The following LEPR variants were observed in gnomAD, a reference collection of about 807,000 sequenced individuals.
LEPR encodes OB receptor.
LEPR carries 56 observed loss-of-function variants against 114.7 expected under a neutral mutation model. The ratio of observed to expected loss-of-function variants is 0.49; its 90% CI spans 0.39 to 0.61. The LOEUF is 0.61. Ranked by LOEUF, LEPR falls within the 20% of genes least tolerant of loss-of-function variation. The pLI is 0.00. For missense variants in LEPR, 1,202 were observed against 1,352.9 expected, an observed-to-expected ratio of 0.89 and a Z score of 1.75; for synonymous variants, 443 against 461.4, an observed-to-expected ratio of 0.96 and a Z score of 0.51.
At chr1:65,454,539 T>A (rs1179875820) in intron 2 of LEPR, among the ~76,000 whole-genome samples, 1 of 152,178 alleles carries the variant, frequency 6.6e-6, no homozygotes. Flanking sequence ...CCTTCACTTA[T>A]GAAACTTAGT....
intron 10 of LEPR, among the ~76,000 whole-genome samples, chr1:65,603,350 T>C (rs1656579528): frequency 8.1e-6 from 1 of 123,936 alleles, no homozygotes; most frequent in Non-Finnish European, 1.7e-5. Context: ...CCACCATTTA[T>C]TCACACACAC....
At chr1:65,422,189 G>C (rs568682235) in intron 1 of LEPR, among the ~76,000 whole-genome samples, 7 of 152,308 alleles carry the variant, frequency 4.6e-5, no homozygotes, top group African/African-American at 1.7e-4. Context: ...AATGATAACT[G>C]GTTTAAGGTG....
At chr1:65,427,140 C>T (rs1265751904) in intron 2 of LEPR, among the ~76,000 whole-genome samples, 3 of 152,136 alleles carry the variant, frequency 2.0e-5, no homozygotes, top group East Asian at 1.9e-4. Context: ...CAGATATAAG[C>T]GGTCACTTAT....
At chr1:65,629,184 C>A (rs1658387041) in intron 19 of LEPR, 1 of 211,352 alleles carries the variant, frequency 4.7e-6, no homozygotes, top group South Asian at 6.6e-5. Context: ...CTTAAACTTC[C>A]ATTTCTTGTT....
intron 2 of LEPR, among the ~76,000 whole-genome samples, chr1:65,483,346 C>T (rs192313071): frequency 1.3e-5 from 2 of 152,224 alleles, no homozygotes; most frequent in Admixed American, 6.5e-5. Flanking sequence ...GACAATGTAT[C>T]ACCATTTCCT....
chr1:65,420,673 G>A lies in LEPR; in HGVS notation c.-164G>A. On this transcript the variant is annotated 5_prime_UTR_variant, in exon 1 of 20. Coordinates refer to ENST00000349533, the MANE Select transcript of LEPR (RefSeq NM_002303.6). ...ACTCCCGGTCTGGCTTGGGCAGGCT[G>A]CCCGGGCCGTGGCAGGAAGCCGGAA... 1 of 1,560,168 alleles carries A rather than the reference G, an allele frequency of 6.4e-7. No individual in the cohort carries two copies. The highest frequency in any genetic ancestry group is 2.0e-5 in the Admixed American group (1 of 51,208).
At chr1:65,572,290 G>GTTTTT (rs747467075) in intron 4 of LEPR, 36 bp from the exon 5 acceptor site, 604 of 799,542 alleles carry the variant, frequency 7.6e-4, no homozygotes, top group South Asian at 1.0e-3. Context: ...TCATGTAGTT[G>GTTTTT]TTTTTTTTTT....
At chr1:65,506,712 T>G (rs1195607803) in intron 2 of LEPR, among the ~76,000 whole-genome samples, 1 of 152,220 alleles carries the variant, frequency 6.6e-6, no homozygotes, top group African/African-American at 2.4e-5. Context: ...TATGATATTC[T>G]GATACATGTA....
intron 7 of LEPR, among the ~76,000 whole-genome samples, chr1:65,597,236 A>G (rs1656125168): frequency 6.6e-6 from 1 of 151,932 alleles, no homozygotes. Flanking sequence ...CTGTGTTTGG[A>G]CTTAGCCCAC....
intron 2 of LEPR, chr1:65,435,661 C>T: frequency 2.0e-6 from 2 of 985,220 alleles, no homozygotes; most frequent in Non-Finnish European, 2.4e-6. Flanking sequence ...GCCACTGTGC[C>T]CAGCCAAAAT....
chr1:65,488,159 C>CCTTCCTTCCTTT (rs1249504387), intron 2 of LEPR, among the ~76,000 whole-genome samples: 28 of 65,472 alleles, frequency 4.3e-4, no homozygotes, highest in African/African-American at 1.6e-3. Flanking sequence ...TTCCTTCCTT[C>CCTTCCTTCCTTT]CTTTCTTTCT....
At chr1:65,606,910 G>A (rs1279441983) in intron 11 of LEPR, among the ~76,000 whole-genome samples, 2 of 152,072 alleles carry the variant, frequency 1.3e-5, no homozygotes, top group African/African-American at 2.4e-5. Flanking sequence ...TATTATTGTT[G>A]ATTGCTTAAA....
At chr1:65,487,554 T>G (rs767455587) in intron 2 of LEPR, among the ~76,000 whole-genome samples, 4 of 151,968 alleles carry the variant, frequency 2.6e-5, no homozygotes, top group Non-Finnish European at 5.9e-5. Flanking sequence ...CAAAGTAAGG[T>G]TGTACCAGAG....
chr1:65,602,802 C>G (rs1310159856), intron 10 of LEPR, among the ~76,000 whole-genome samples: 2 of 152,184 alleles, frequency 1.3e-5, no homozygotes, highest in South Asian at 4.1e-4. Flanking sequence ...CTGCCAGTCT[C>G]TTCTTATGTA....
At chr1:65,426,673 C>A (rs956814058) in intron 2 of LEPR, among the ~76,000 whole-genome samples, 3 of 152,036 alleles carry the variant, frequency 2.0e-5, no homozygotes, top group African/African-American at 7.2e-5. Context: ...TAGATGTCTC[C>A]CAGGTGATTG....
Position 65,622,965 on chromosome 1 carries a change from G to A in LEPR, c.2657G>A (p.Gly886Glu). The A allele has an allele frequency of 6.2e-7, 1 of 1,613,918 alleles. No individual in the cohort carries two copies. The highest frequency in any genetic ancestry group is 1.7e-4 in the Middle Eastern group (1 of 6,044). Reference sequence around the variant, plus strand: ...CCCAAGAATTGTTCCTGGGCACAAGGACTTAATTTTCAGAAGGTTGCTTTT... The same window carrying A: ...CCCAAGAATTGTTCCTGGGCACAAGAACTTAATTTTCAGAAGGTTGCTTTT... ...PNPKNCSWAQ[G>E]LNFQKPETFE... Residue 886 changes from glycine to glutamate, a missense_variant, in exon 19 of 20, where the codon GGA becomes GAA. Transcript: ENST00000349533.
Position 65,484,744 on chromosome 1 carries a change from T to C in LEPR, c.-21+59366T>C, listed in dbSNP as rs1267949268. Among the ~76,000 whole-genome samples the C allele has an allele frequency of 2.0e-5, 3 of 152,336 alleles. No individual in the cohort carries two copies. In the East Asian group the frequency reaches 5.8e-4, roughly 29 times the overall value. On this transcript the variant is annotated intron_variant, in intron 2 of 19. Coordinates refer to ENST00000349533, the MANE Select transcript of LEPR (RefSeq NM_002303.6). ...CCACACCCAAAGAGATCATATTTTG[T>C]AACAAGCCAATGAGATCAAGATTTG...
chr1:65,620,079 G>A, intron 17 of LEPR, 56 bp downstream of exon 17: 6 of 1,305,414 alleles, frequency 4.6e-6, no homozygotes, highest in Non-Finnish European at 6.6e-6. Flanking sequence ...TAATTTGTTT[G>A]CAGTAATATT....
chr1:65,605,333 T>G, intron 11 of LEPR, 96 bp downstream of exon 11: 1 of 1,497,926 alleles, frequency 6.7e-7, no homozygotes, highest in South Asian at 1.1e-5. Flanking sequence ...TCTGATCACA[T>G]TAGATTTTGA....
Sources: allele counts gnomAD v4.1 joint callset (sites outside exome capture counted in the v4.1 genomes callset), GRCh38; gene constraint gnomAD v4.1.1; transcripts MANE v1.5; gene names NCBI Gene and HGNC (gene_info 2026-07-23, HGNC 2026-07-21).